The following GALNT13 variants were observed in gnomAD, a reference collection of about 807,000 sequenced individuals.
The protein encoded by GALNT13 is UDP-GalNAc:polypeptide N-acetylgalactosaminyltransferase 13.
GALNT13 carries 28 observed loss-of-function variants against 64.2 expected under a neutral mutation model. The observed-to-expected ratio is 0.44, with a 90% CI of 0.32 to 0.60. The LOEUF (loss-of-function observed/expected upper bound fraction) is 0.60, where lower values mean the gene tolerates loss of function less well. Among genes scored for constraint, GALNT13 ranks in the 20% least tolerant of loss-of-function variants. GALNT13 has a pLI of 0.05. For missense variants in GALNT13, 577 were observed against 669.8 expected (o/e 0.86, Z 1.53); for synonymous variants, 214 against 224.6 (o/e 0.95, Z 0.42).
the GALNT13 span, among the ~76,000 whole-genome samples, chr2:153,826,436 T>A: frequency 6.6e-6 from 1 of 152,194 alleles, no homozygotes; most frequent in Non-Finnish European, 1.5e-5. Flanking sequence ...AGTTTTAACA[T>A]GAGTTTTGGA....
intron 8 of GALNT13, among the ~76,000 whole-genome samples, chr2:154,276,085 G>C (rs897876722): frequency 6.6e-6 from 1 of 152,152 alleles, no homozygotes; most frequent in Non-Finnish European, 1.5e-5. Flanking sequence ...GTATCTAGGA[G>C]GTAACTAACT....
chr2:153,129,231 C>G, the GALNT13 span, among the ~76,000 whole-genome samples: 80 of 152,152 alleles, frequency 5.3e-4, 1 homozygote, highest in South Asian at 0.016. Flanking sequence ...TGGTCTTGCT[C>G]GAGGGTTTCA....
the GALNT13 span, among the ~76,000 whole-genome samples, chr2:153,600,067 C>T: frequency 4.6e-5 from 7 of 151,934 alleles, no homozygotes; most frequent in Admixed American, 1.3e-4. Context: ...GAAACTCTGC[C>T]CTAGTTACTA....
rs567372394 is a variant in GALNT13, at chr2:154,206,358, G to T, written c.312-35672G>T. Among the ~76,000 whole-genome samples, 769 of 152,018 alleles carry T rather than the reference G, an allele frequency of 5.1e-3. 7 individuals carry two copies. The highest frequency in any genetic ancestry group is 0.016 in the African/African-American group (668 of 41,460). ...GTTTTTGAAATCATATATATATAGA[G>T]AGAGAGATATATCTAGAGAGAAAGA... On this transcript the variant is annotated intron_variant, in intron 4 of 12. Coordinates refer to ENST00000392825, the MANE Select transcript of GALNT13 (RefSeq NM_052917.4).
intron 3 of GALNT13, among the ~76,000 whole-genome samples, chr2:154,042,833 T>C (rs895254277): frequency 6.6e-6 from 1 of 151,914 alleles, no homozygotes; most frequent in African/African-American, 2.4e-5. Flanking sequence ...ATTTTTTTTC[T>C]ACTATGTTCC....
intron 3 of GALNT13, among the ~76,000 whole-genome samples, chr2:154,067,385 AC>A (rs1448685561): frequency 3.9e-5 from 6 of 152,110 alleles, no homozygotes; most frequent in African/African-American, 1.4e-4. Context: ...TCTGTTGCCT[AC>A]AAGAAACAGA....
intron 3 of GALNT13, among the ~76,000 whole-genome samples, chr2:154,045,674 C>T (rs1307980557): frequency 6.6e-6 from 1 of 152,056 alleles, no homozygotes; most frequent in Admixed American, 6.5e-5. Flanking sequence ...AGAAGCAGCC[C>T]CTAAATTCTA....
chr2:154,156,349 A>G (rs68173197), intron 4 of GALNT13, among the ~76,000 whole-genome samples: 27,737 of 152,080 alleles, frequency 0.18, 3,319 homozygotes, highest in Non-Finnish European at 0.26. Context: ...AGTGTAGCAC[A>G]TAGTTCCTAT....
chr2:153,123,326 C>T, the GALNT13 span, among the ~76,000 whole-genome samples: 1,777 of 152,276 alleles, frequency 0.012, 39 homozygotes, highest in African/African-American at 0.041. Flanking sequence ...AGCCACTTGG[C>T]TTGTGGTACT....
chr2:153,488,553 T>A, the GALNT13 span, among the ~76,000 whole-genome samples: 1 of 152,192 alleles, frequency 6.6e-6, no homozygotes, highest in Non-Finnish European at 1.5e-5. Context: ...GTCTTGAATC[T>A]CGCTGATGGT....
the GALNT13 span, among the ~76,000 whole-genome samples, chr2:153,105,402 C>T: frequency 1.3e-5 from 2 of 151,896 alleles, no homozygotes; most frequent in Non-Finnish European, 2.9e-5. Flanking sequence ...TATGACAAAC[C>T]CACAGCCAAT....
intron 4 of GALNT13, among the ~76,000 whole-genome samples, chr2:154,168,745 A>G (rs917441089): frequency 2.0e-5 from 3 of 151,244 alleles, no homozygotes; most frequent in Non-Finnish European, 4.4e-5. Context: ...CAGGAGGCTG[A>G]GGCAGGAGAA....
At chr2:153,673,013 A>G in the GALNT13 span, among the ~76,000 whole-genome samples, 3 of 152,196 alleles carry the variant, frequency 2.0e-5, no homozygotes, top group Admixed American at 2.0e-4. Context: ...ACCAGGAAGA[A>G]GTTGAATCTC....
At chr2:153,089,199 C>A in the GALNT13 span, among the ~76,000 whole-genome samples, 1 of 152,082 alleles carries the variant, frequency 6.6e-6, no homozygotes, top group South Asian at 2.1e-4. Flanking sequence ...ATTTGTTTTT[C>A]TGAAAAAGAC....
At chr2:153,361,917 C>T in the GALNT13 span, among the ~76,000 whole-genome samples, 3 of 152,054 alleles carry the variant, frequency 2.0e-5, no homozygotes, top group Admixed American at 6.5e-5. Flanking sequence ...GACACATAAT[C>T]GTCAGATTGT....
At chr2:153,302,145 C>T in the GALNT13 span, among the ~76,000 whole-genome samples, 4 of 152,096 alleles carry the variant, frequency 2.6e-5, no homozygotes, top group African/African-American at 9.7e-5. Flanking sequence ...TTCATAATGG[C>T]TGTACTAATT....
At chr2:153,779,673 A>C in the GALNT13 span, among the ~76,000 whole-genome samples, 1 of 152,146 alleles carries the variant, frequency 6.6e-6, no homozygotes, top group African/African-American at 2.4e-5. Flanking sequence ...ATGGAAGGCA[A>C]AGCTGATCTG....
chr2:153,245,088 G>A, the GALNT13 span, among the ~76,000 whole-genome samples: 1 of 152,344 alleles, frequency 6.6e-6, no homozygotes, highest in Non-Finnish European at 1.5e-5. Flanking sequence ...CACTGCGCAG[G>A]GGATCTCTGA....
the GALNT13 span, among the ~76,000 whole-genome samples, chr2:153,509,287 G>C: frequency 6.6e-6 from 1 of 152,170 alleles, no homozygotes; most frequent in Non-Finnish European, 1.5e-5. Context: ...TCAGGGAGCT[G>C]GGGCTCCCGC....
Sources: gnomAD v4.1 joint callset for allele counts (sites outside exome capture counted in the v4.1 genomes callset) on GRCh38, gnomAD v4.1.1 for gene constraint, MANE v1.5 for transcripts, NCBI Gene and HGNC (gene_info 2026-07-23, HGNC 2026-07-21) for gene names.